Variants in TP53BP1 observed in about 807,000 individuals in gnomAD.
TP53BP1 encodes the protein tumor protein p53 binding protein 1.
Under a neutral mutation model 200.8 loss-of-function variants are expected in TP53BP1, and 61 were observed. The ratio of observed to expected loss-of-function variants is 0.30; its 90% CI spans 0.25 to 0.38. The LOEUF is 0.38. Among genes scored for constraint, TP53BP1 ranks in the 10% least tolerant of loss-of-function variants. The probability of loss-of-function intolerance (pLI) is 1.00; values close to 1 mark genes in which losing one functional copy is unlikely to be tolerated. For missense variants in TP53BP1, 2,144 were observed against 2,371.9 expected, an observed-to-expected ratio of 0.90 and a Z score of 2.00; for synonymous variants, 822 against 844.3, an observed-to-expected ratio of 0.97 and a Z score of 0.46.
intron 11 of TP53BP1, 47 bp from the exon 12 acceptor site, chr15:43,457,265 A>C: frequency 7.0e-7 from 1 of 1,432,096 alleles, no homozygotes; most frequent in Non-Finnish European, 9.3e-7. Flanking sequence ...ACATGATCAT[A>C]TATCTTTTAT....
chr15:43,445,970 C>A (rs2046032769), intron 14 of TP53BP1, among the ~76,000 whole-genome samples: 1 of 152,148 alleles, frequency 6.6e-6, no homozygotes, highest in South Asian at 2.1e-4. Context: ...GGCTTCTCAG[C>A]ATGATGTAAA....
intron 22 of TP53BP1, 30 bp from the exon 23 acceptor site, chr15:43,415,839 C>A: frequency 1.3e-6 from 2 of 1,595,104 alleles, no homozygotes; most frequent in South Asian, 2.2e-5. Context: ...ACAGGTTGGT[C>A]AAACTCTATG....
intron 11 of TP53BP1, among the ~76,000 whole-genome samples, chr15:43,463,978 T>C (rs1217308628): frequency 1.3e-5 from 2 of 152,034 alleles, no homozygotes; most frequent in African/African-American, 4.8e-5. Flanking sequence ...ACCCTGCAAA[T>C]AGGAGATCAG....
chr15:43,423,818 C>T (rs1312852539), intron 18 of TP53BP1, among the ~76,000 whole-genome samples: 1 of 152,116 alleles, frequency 6.6e-6, no homozygotes, highest in African/African-American at 2.4e-5. Flanking sequence ...CTCTTTCTTT[C>T]AGTCTACCTT....
chr15:43,473,766 G>T (rs890710233), intron 10 of TP53BP1, among the ~76,000 whole-genome samples: 1 of 152,210 alleles, frequency 6.6e-6, no homozygotes, highest in African/African-American at 2.4e-5. Flanking sequence ...TAGACATAAA[G>T]GTTCTCCACG....
In TP53BP1 at chr15:43,490,857, A is replaced by G. The variant is rs140314854; in HGVS notation, c.371+812T>C. Among the ~76,000 whole-genome samples, 44 of 152,340 alleles carry G rather than the reference A, an allele frequency of 2.9e-4. No individual in the cohort carries two copies. The East Asian group carries it at 7.9e-3, about 27-fold the overall frequency. On this transcript the variant is annotated intron_variant, in intron 4 of 27. Transcript: ENST00000382044. ...GTCTTCATCGTACAGCTGCTTTAAGAATAGGATTAAATAACATTATACTAT... is the reference window on the plus strand; with the variant it reads ...GTCTTCATCGTACAGCTGCTTTAAGGATAGGATTAAATAACATTATACTAT...
rs146799160 is a variant in TP53BP1 at position 43,403,177 on chromosome 15, CATATATATAT to C, written c.*4196_*4205del. 1 of 150,408 alleles carries C rather than the reference CATATATATAT, an allele frequency of 6.6e-6. No homozygotes were observed. Among genetic ancestry groups the C allele is most frequent in the African/African-American group, 2.4e-5 (1 of 40,914 alleles). The allele number at this position is 150,408 out of a possible 1,614,324, so 9.3% of individuals were successfully genotyped here. The stretch of plus-strand genomic sequence containing the variant: ...TCACAATCTAGTTGGAAAAACAAGA[CATATATATAT>C]ATATACATACAAAAATCAGTAACAA... On this transcript the variant is annotated 3_prime_UTR_variant, in exon 28 of 28. Transcript: ENST00000382044.
chr15:43,487,425 G>A (rs145051185), intron 4 of TP53BP1, among the ~76,000 whole-genome samples: 2 of 152,248 alleles, frequency 1.3e-5, no homozygotes, highest in Non-Finnish European at 2.9e-5. Context: ...AAACAAACAT[G>A]CAACTACCAT....
At position 43,416,255 on chromosome 15, in the gene TP53BP1, G is replaced by A; in HGVS notation, c.4843C>T (p.Pro1615Ser). 6.2e-7 allele frequency: 1 copy of A among 1,614,024 alleles called. No homozygotes were observed. Among genetic ancestry groups the A allele is most frequent in the Non-Finnish European group, 8.5e-7 (1 of 1,179,986 alleles). The change falls in exon 22 of 28, where the codon CCT becomes TCT. Residue 1615 changes from proline (P) to serine (S), a missense_variant. By Grantham distance (74) the Pro-to-Ser change is moderately conservative. Transcript: ENST00000382044. ...CTGATATCTGCTGCCTTTGTAAGAG[G>A]TGTTACTGCTTCATAGGGGCCAAGC... ...YGLGPYEAVT[P>S]LTKAADISLD...
intron 19 of TP53BP1, 180 bp downstream of exon 19, chr15:43,421,675 C>T: frequency 2.4e-6 from 2 of 837,748 alleles, no homozygotes; most frequent in East Asian, 2.7e-5. Context: ...TGCCACAGGG[C>T]TCCACCCTAC....
intron 11 of TP53BP1, among the ~76,000 whole-genome samples, chr15:43,462,819 G>A (rs2046471875): frequency 6.6e-6 from 1 of 152,152 alleles, no homozygotes; most frequent in African/African-American, 2.4e-5. Flanking sequence ...CACTTTGGGA[G>A]GCCAAGGCAG....
intron 4 of TP53BP1, among the ~76,000 whole-genome samples, chr15:43,490,933 G>C (rs550159144): frequency 4.6e-5 from 7 of 152,060 alleles, no homozygotes; most frequent in Non-Finnish European, 1.0e-4. Context: ...CTCAAAAAAT[G>C]GGTATTATAA....
chr15:43,462,169 T>C (rs112752866), intron 11 of TP53BP1, among the ~76,000 whole-genome samples: 7,652 of 99,490 alleles, frequency 0.077, 314 homozygotes, highest in Middle Eastern at 0.18. Flanking sequence ...CCATCTCTAC[T>C]AAAAACACAA....
chr15:43,435,996 T>TC (rs1255404150), intron 16 of TP53BP1, among the ~76,000 whole-genome samples: 1 of 146,238 alleles, frequency 6.8e-6, no homozygotes, highest in African/African-American at 2.5e-5. Flanking sequence ...CCATCCAGTC[T>TC]TTTTTTTTTT....
At chr15:43,447,156 T>C in intron 13 of TP53BP1, 2 of 565,666 alleles carry the variant, frequency 3.5e-6, no homozygotes, top group East Asian at 3.2e-5. Context: ...CTTTCTTTCT[T>C]ACTTCCCTCC....
intron 16 of TP53BP1, among the ~76,000 whole-genome samples, chr15:43,436,180 G>C (rs902148476): frequency 4.6e-5 from 7 of 151,476 alleles, no homozygotes; most frequent in African/African-American, 1.7e-4. Context: ...TTGTAGAGAC[G>C]AAGTTTCACC....
intron 1 of TP53BP1, 32 bp downstream of exon 1, chr15:43,493,005 C>G (rs1275082549): frequency 6.2e-7 from 1 of 1,612,744 alleles, no homozygotes; most frequent in Non-Finnish European, 8.5e-7. Flanking sequence ...CCTTCAGAGC[C>G]CACTGCACTC....
At chr15:43,420,259 C>A in intron 21 of TP53BP1, 46 bp downstream of exon 21, 2 of 1,560,488 alleles carry the variant, frequency 1.3e-6, no homozygotes, top group South Asian at 1.2e-5. Flanking sequence ...AGTATTATTG[C>A]CCCAAGGCAC....
intron 4 of TP53BP1, among the ~76,000 whole-genome samples, chr15:43,484,756 G>GTTT (rs397951213): frequency 6.9e-6 from 1 of 144,994 alleles, no homozygotes; most frequent in African/African-American, 2.5e-5. Context: ...CTTGTTTTTT[G>GTTT]TTTTTTTTTT....
Sources: allele counts gnomAD v4.1 joint callset (sites outside exome capture counted in the v4.1 genomes callset), GRCh38; gene constraint gnomAD v4.1.1; transcripts MANE v1.5; gene names NCBI Gene and HGNC (gene_info 2026-07-23, HGNC 2026-07-21).